CSMD1: variants seen among roughly 807,000 people sequenced by gnomAD.
CSMD1 encodes CUB and Sushi multiple domains 1.
Under a neutral mutation model 417.5 loss-of-function variants are expected in CSMD1, and 213 were observed. That is an observed-to-expected ratio of 0.51 (90% CI 0.46 to 0.57). The LOEUF (loss-of-function observed/expected upper bound fraction) is 0.57, where lower values mean the gene tolerates loss of function less well. Ranked by LOEUF, CSMD1 falls within the 20% of genes least tolerant of loss-of-function variation. CSMD1 has a pLI of 0.00. For synonymous variants in CSMD1, 2,862 were observed against 1,736.8 expected (o/e 1.65, Z -16.11); for missense variants, 6,923 against 4,529.7 (o/e 1.53, Z -15.17).
intron 5 of CSMD1, among the ~76,000 whole-genome samples, chr8:3,884,653 A>G (rs1178538673): frequency 1.3e-5 from 2 of 152,138 alleles, no homozygotes; most frequent in African/African-American, 4.8e-5. Context: ...GTTGACCAAT[A>G]AATTCTGGAT....
At chr8:4,896,729 G>T (rs1160124827) in intron 1 of CSMD1, among the ~76,000 whole-genome samples, 1 of 152,042 alleles carries the variant, frequency 6.6e-6, no homozygotes, top group Non-Finnish European at 1.5e-5. Context: ...TGATGGTGAG[G>T]AGTCCTCCGA....
At chr8:4,744,585 C>A (rs894360554) in intron 1 of CSMD1, among the ~76,000 whole-genome samples, 1 of 152,120 alleles carries the variant, frequency 6.6e-6, no homozygotes, top group Non-Finnish European at 1.5e-5. Flanking sequence ...AAAATAATAT[C>A]TTTGGTTCGT....
At chr8:3,186,416 C>T (rs1431604311) in intron 36 of CSMD1, among the ~76,000 whole-genome samples, 2 of 152,122 alleles carry the variant, frequency 1.3e-5, no homozygotes, top group African/African-American at 2.4e-5. Flanking sequence ...CACAGGCAGA[C>T]AAACATGGAT....
intron 2 of CSMD1, among the ~76,000 whole-genome samples, chr8:4,607,900 G>A (rs1243892574): frequency 1.3e-5 from 2 of 152,060 alleles, no homozygotes; most frequent in Non-Finnish European, 2.9e-5. Flanking sequence ...TTACTGTGGT[G>A]TCAAGAGCTT....
At chr8:3,159,922 A>C (rs1468095732) in intron 38 of CSMD1, among the ~76,000 whole-genome samples, 3 of 152,214 alleles carry the variant, frequency 2.0e-5, no homozygotes, top group Non-Finnish European at 1.5e-5. Flanking sequence ...AAGTCTCACC[A>C]TCAGGTAGAA....
chr8:3,389,140 G>C (rs985080672), intron 17 of CSMD1, among the ~76,000 whole-genome samples: 5 of 152,102 alleles, frequency 3.3e-5, no homozygotes, highest in Admixed American at 6.6e-5. Context: ...TTTAAGTTCA[G>C]GGGTACATGT....
chr8:3,842,667 A>C (rs1803211703), intron 5 of CSMD1, among the ~76,000 whole-genome samples: 1 of 152,130 alleles, frequency 6.6e-6, no homozygotes, highest in Non-Finnish European at 1.5e-5. Flanking sequence ...ATTATGTTGC[A>C]TTTCAAAGAG....
chr8:4,210,847 G>A (rs1800263887), intron 3 of CSMD1, among the ~76,000 whole-genome samples: 1 of 152,100 alleles, frequency 6.6e-6, no homozygotes, highest in African/African-American at 2.4e-5. Context: ...TCTCGGGAAA[G>A]AAATGTTTCA....
At chr8:4,715,393 A>T (rs1275416778) in intron 1 of CSMD1, among the ~76,000 whole-genome samples, 1 of 152,326 alleles carries the variant, frequency 6.6e-6, no homozygotes, top group East Asian at 1.9e-4. Flanking sequence ...TAATATAAAC[A>T]TGTAAAACAG....
At chr8:4,196,544 G>C (rs886893433) in intron 3 of CSMD1, among the ~76,000 whole-genome samples, 4 of 152,120 alleles carry the variant, frequency 2.6e-5, no homozygotes, top group African/African-American at 9.7e-5. Context: ...GCTGTAAACT[G>C]TGAGTCATTC....
chr8:3,048,531 C>A (rs570119831), intron 50 of CSMD1, among the ~76,000 whole-genome samples: 1 of 152,126 alleles, frequency 6.6e-6, no homozygotes, highest in Non-Finnish European at 1.5e-5. Context: ...TGGATATCTA[C>A]ATTCTAAAAA....
chr8:4,366,403 G>C (rs1420307540), intron 3 of CSMD1, among the ~76,000 whole-genome samples: 1 of 152,174 alleles, frequency 6.6e-6, no homozygotes, highest in African/African-American at 2.4e-5. Flanking sequence ...GCATGCACGT[G>C]TCTTTTTGAC....
chr8:4,531,242 C>T (rs1796803940), intron 2 of CSMD1, among the ~76,000 whole-genome samples: 3 of 152,146 alleles, frequency 2.0e-5, no homozygotes, highest in Admixed American at 6.6e-5. Flanking sequence ...GATAGATGAT[C>T]TCCTTACAGG....
At chr8:4,924,033 G>A (rs958095851) in intron 1 of CSMD1, among the ~76,000 whole-genome samples, 4 of 152,126 alleles carry the variant, frequency 2.6e-5, no homozygotes, top group Admixed American at 2.0e-4. Context: ...TCACATCTCA[G>A]CTTGCTTGAA....
chr8:4,956,404 T>C (rs1009390133), intron 1 of CSMD1, among the ~76,000 whole-genome samples: 2 of 149,910 alleles, frequency 1.3e-5, no homozygotes, highest in Admixed American at 6.7e-5. Context: ...ACATACATTT[T>C]CAAGATATTA....
At chr8:4,124,565 C>T (rs1480499917) in intron 3 of CSMD1, among the ~76,000 whole-genome samples, 1 of 152,128 alleles carries the variant, frequency 6.6e-6, no homozygotes, top group Non-Finnish European at 1.5e-5. Context: ...GCCACCTGCG[C>T]CCGGTAGTGG....
chr8:3,241,304 C>T (rs1392135773), intron 26 of CSMD1, among the ~76,000 whole-genome samples: 5 of 150,650 alleles, frequency 3.3e-5, no homozygotes, highest in African/African-American at 9.7e-5. Context: ...CCGTCAATAC[C>T]CACAACAGTT....
chr8:3,759,816 G>A (rs1297487342), intron 5 of CSMD1, among the ~76,000 whole-genome samples: 1 of 150,328 alleles, frequency 6.7e-6, no homozygotes, highest in Non-Finnish European at 1.5e-5. Flanking sequence ...GATGAGGGAG[G>A]AGAATTGTTT....
intron 1 of CSMD1, among the ~76,000 whole-genome samples, chr8:4,675,079 CTTG>C (rs1790302794): frequency 6.6e-6 from 1 of 152,174 alleles, no homozygotes; most frequent in African/African-American, 2.4e-5. Context: ...GGAATAAATT[CTTG>C]TTGTTTAAGC....
Sources: allele counts gnomAD v4.1 joint callset (sites outside exome capture counted in the v4.1 genomes callset), GRCh38; gene constraint gnomAD v4.1.1; transcripts MANE v1.5; gene names NCBI Gene and HGNC (gene_info 2026-07-23, HGNC 2026-07-21).